The following PTPRN2 variants were observed in gnomAD, a reference collection of about 807,000 sequenced individuals.
PTPRN2 encodes receptor-type tyrosine-protein phosphatase N2.
PTPRN2 carries 74 observed loss-of-function variants against 118.8 expected under a neutral mutation model. That is an observed-to-expected ratio of 0.62 (90% CI 0.52 to 0.76). The LOEUF is 0.76. Among genes scored for constraint, PTPRN2 ranks in the 30% least tolerant of loss-of-function variants. The pLI is 0.00. For missense variants in PTPRN2, 1,481 were observed against 1,394.4 expected (o/e 1.06, Z -0.99); for synonymous variants, 641 against 608.0 (o/e 1.05, Z -0.80).
intron 2 of PTPRN2, among the ~76,000 whole-genome samples, chr7:158,471,762 A>G (rs1438055430): frequency 6.6e-6 from 1 of 152,372 alleles, no homozygotes; most frequent in African/African-American, 2.4e-5. Context: ...AATAAAGAAA[A>G]GGAAAACTCT....
intron 2 of PTPRN2, among the ~76,000 whole-genome samples, chr7:158,346,299 C>T (rs186400525): frequency 1.1e-4 from 16 of 152,176 alleles, no homozygotes; most frequent in Admixed American, 7.2e-4. Context: ...ATTCCCTCCA[C>T]CCCTGGCCTC....
chr7:158,110,903 G>T lies in PTPRN2; in HGVS notation c.1569C>A (p.Pro523=), dbSNP rs372569816. The T allele has an allele frequency of 6.4e-7, 1 of 1,564,782 alleles. No homozygotes were observed. Among genetic ancestry groups the T allele is most frequent in the Non-Finnish European group, 8.7e-7 (1 of 1,155,876 alleles). ...YIVTDRDPLR[P]EEGRRLVEDV... is the part of the protein sequence containing the mutation. ...CCTCCACCAGCCGCCTTCCTTCCTC[G>T]GGGCGCAGGGGGCTGCGGATGACAG... Residue 523 remains proline, a synonymous_variant, in exon 10 of 23, where the codon CCC becomes CCA. Transcript: ENST00000389418.
rs556191035 is a variant in PTPRN2 at position 157,869,834 on chromosome 7, A to G, written c.1788+28839T>C. ...AAAGTTTTTATAACTTTCTCAAAAC[A>G]CCCACATAATAAGCAGATGTTATTT... On this transcript the variant is annotated intron_variant, in intron 12 of 22. Transcript: ENST00000389418. The surrounding 1 kb of genome is among the most constrained non-coding windows in gnomAD (Gnocchi z 4.2). Among the ~76,000 whole-genome samples, 1 of 152,248 alleles carries G rather than the reference A, an allele frequency of 6.6e-6. No individual in the cohort carries two copies. Among genetic ancestry groups the G allele is most frequent in the South Asian group, 2.1e-4 (1 of 4,816 alleles).
At chr7:158,395,224 C>T (rs528852193) in intron 2 of PTPRN2, among the ~76,000 whole-genome samples, 129 of 147,550 alleles carry the variant, frequency 8.7e-4, no homozygotes, top group Middle Eastern at 3.4e-3. Context: ...GGCACGCAGG[C>T]GCGGTCTCGA....
intron 17 of PTPRN2, among the ~76,000 whole-genome samples, chr7:157,592,327 G>A (rs1280380101): frequency 6.6e-6 from 1 of 152,268 alleles, no homozygotes; most frequent in Non-Finnish European, 1.5e-5. Context: ...CACGCTATGA[G>A]CCTCTGAGTC....
intron 10 of PTPRN2, among the ~76,000 whole-genome samples, chr7:158,091,115 A>G (rs1318179476): frequency 6.6e-6 from 1 of 152,262 alleles, no homozygotes; most frequent in Non-Finnish European, 1.5e-5. Context: ...AGTAACGACT[A>G]TACAGTCGAT....
rs767302256 is a variant in PTPRN2, at chr7:158,529,207, G to A, written c.113-39422C>T. On this transcript the variant is annotated intron_variant, in intron 1 of 22. Coordinates refer to ENST00000389418, the MANE Select transcript of PTPRN2 (RefSeq NM_002847.5). The surrounding 1 kb of genome is among the most constrained non-coding windows in gnomAD (Gnocchi z 4.7). ...AGCACCTGGTGGGCACTAAGCACCC[G>A]TCGCTGTTGGTCCTGGGGCTAACGC... Among the ~76,000 whole-genome samples, 8 of 152,364 alleles carry A rather than the reference G, an allele frequency of 5.3e-5. No homozygotes were observed. The highest frequency in any genetic ancestry group is 1.3e-4 in the Admixed American group (2 of 15,310).
At position 157,540,875 on chromosome 7, in the gene PTPRN2, G is replaced by A. The variant is rs548560900; in HGVS notation, c.2977-90C>T. 6.1e-5 allele frequency: 66 copies of A among 1,087,562 alleles called. No homozygotes were observed. In the African/African-American group the frequency reaches 7.3e-4, roughly 12 times the overall value. The allele number at this position is 1,087,562 out of a possible 1,614,324, so 67.4% of individuals were successfully genotyped here. On this transcript the variant is annotated intron_variant, in intron 22 of 22. Transcript: ENST00000389418. ...TCGGCTCCCTGCAGATGAAAGCGGC[G>A]TCCCCCCTTCCCAACGCAGCATCAG... is the stretch of plus-strand genomic sequence containing the variant.
intron 17 of PTPRN2, among the ~76,000 whole-genome samples, chr7:157,592,904 A>G (rs13229770): frequency 0.018 from 866 of 47,900 alleles, no homozygotes; most frequent in Non-Finnish European, 0.021. Flanking sequence ...TGTGGATGCC[A>G]AGAGGCTTCA....
At chr7:158,125,972 C>A (rs776899250) in intron 9 of PTPRN2, among the ~76,000 whole-genome samples, 18 of 152,170 alleles carry the variant, frequency 1.2e-4, no homozygotes, top group Non-Finnish European at 2.2e-4. Context: ...GCCTCCTGGG[C>A]AGCCACTAGG....
intron 13 of PTPRN2, among the ~76,000 whole-genome samples, chr7:157,660,167 A>G (rs986109229): frequency 6.6e-6 from 1 of 152,194 alleles, no homozygotes; most frequent in Non-Finnish European, 1.5e-5. Context: ...AATAACGTCC[A>G]ACCAAAGCAT....
At chr7:157,685,254 C>T (rs556548068) in intron 12 of PTPRN2, among the ~76,000 whole-genome samples, 2 of 152,058 alleles carry the variant, frequency 1.3e-5, no homozygotes, top group Admixed American at 1.3e-4. Context: ...GAGGCGACCC[C>T]GGCCCCGCTG....
chr7:157,789,301 C>T (rs1187575237), intron 12 of PTPRN2, among the ~76,000 whole-genome samples: 1 of 152,194 alleles, frequency 6.6e-6, no homozygotes, highest in East Asian at 1.9e-4. Flanking sequence ...GTGCCGCTGG[C>T]TTCTACTGTT....
intron 2 of PTPRN2, among the ~76,000 whole-genome samples, chr7:158,484,794 G>T (rs533448877): frequency 1.3e-5 from 2 of 152,166 alleles, no homozygotes; most frequent in Non-Finnish European, 2.9e-5. Context: ...TCCACGGCCG[G>T]ACAGCACTCC....
chr7:157,612,943 G>T (rs1203956871), intron 15 of PTPRN2, among the ~76,000 whole-genome samples: 1 of 152,194 alleles, frequency 6.6e-6, no homozygotes, highest in Non-Finnish European at 1.5e-5. Flanking sequence ...CCGCCTCCCC[G>T]CCCGGGTCTG....
At chr7:157,663,515 G>A (rs1795996800) in intron 13 of PTPRN2, among the ~76,000 whole-genome samples, 1 of 152,222 alleles carries the variant, frequency 6.6e-6, no homozygotes, top group Admixed American at 6.5e-5. Context: ...TCCAAGGACG[G>A]GGGCTGGGAC....
At chr7:158,356,635 G>C (rs1461227877) in intron 2 of PTPRN2, among the ~76,000 whole-genome samples, 2 of 152,106 alleles carry the variant, frequency 1.3e-5, no homozygotes, top group African/African-American at 4.8e-5. Flanking sequence ...TGCTGAGCAG[G>C]CACCACCATC....
At chr7:158,167,610 C>T (rs1389297905) in intron 5 of PTPRN2, among the ~76,000 whole-genome samples, 1 of 152,238 alleles carries the variant, frequency 6.6e-6, no homozygotes, top group Non-Finnish European at 1.5e-5. Context: ...TGAGACATCA[C>T]TACTAAGTCC....
intron 2 of PTPRN2, among the ~76,000 whole-genome samples, chr7:158,431,355 G>A (rs1223548775): frequency 2.0e-5 from 3 of 146,936 alleles, no homozygotes; most frequent in African/African-American, 7.6e-5. Flanking sequence ...GGCTTGCACT[G>A]GGCTTAGACC....
Sources: gnomAD v4.1 joint callset for allele counts (sites outside exome capture counted in the v4.1 genomes callset) on GRCh38, gnomAD v4.1.1 for gene constraint, Gnocchi (gnomAD v3.1) non-coding constraint, MANE v1.5 for transcripts, NCBI Gene and HGNC (gene_info 2026-07-23, HGNC 2026-07-21) for gene names.